PCDHA9: variants seen among roughly 807,000 people sequenced by gnomAD.
PCDHA9 encodes the protein protocadherin alpha 9.
A neutral mutation model predicts 62.0 loss-of-function variants in PCDHA9; 62 were observed. That is an observed-to-expected ratio of 1.00 (90% CI 0.81 to 1.23). The LOEUF is 1.23. Among genes scored for constraint, PCDHA9 ranks in the 50% most tolerant of loss-of-function variants. The pLI, the probability that PCDHA9 is intolerant of heterozygous loss-of-function variation, is 0.00. For synonymous variants in PCDHA9, 557 were observed against 567.6 expected (o/e 0.98, Z 0.27); for missense variants, 1,205 against 1,249.8 (o/e 0.96, Z 0.54).
chr5:141,000,158 A>G (rs1313496168), intron 3 of PCDHA9, among the ~76,000 whole-genome samples: 1 of 151,968 alleles, frequency 6.6e-6, no homozygotes, highest in Non-Finnish European at 1.5e-5. Context: ...AACAAAAACT[A>G]TTTGATTATT....
chr5:140,854,718 A>G (rs1417789198), intron 1 of PCDHA9: 1 of 149,960 alleles, frequency 6.7e-6, no homozygotes, highest in Non-Finnish European at 1.5e-5. Flanking sequence ...AAAGACAGAA[A>G]ACTCAAGTTT....
chr5:140,876,723 C>G, intron 1 of PCDHA9: 2 of 1,614,250 alleles, frequency 1.2e-6, no homozygotes, highest in African/African-American at 2.7e-5. Flanking sequence ...ACCGCGAGAG[C>G]GTGTCGGCCT....
At chr5:140,882,556 T>C (rs367760301) in intron 1 of PCDHA9, 103 of 1,614,070 alleles carry the variant, frequency 6.4e-5, no homozygotes, top group African/African-American at 9.3e-5. Flanking sequence ...AGGAGCTGTG[T>C]GGGCGGAGCG....
At chr5:140,920,505 T>C (rs545028033) in intron 1 of PCDHA9, among the ~76,000 whole-genome samples, 1 of 152,344 alleles carries the variant, frequency 6.6e-6, no homozygotes, top group South Asian at 2.1e-4. Flanking sequence ...TTCTACATAC[T>C]GTTTTATGCA....
intron 1 of PCDHA9, among the ~76,000 whole-genome samples, chr5:140,937,039 CTTT>C (rs34994034): frequency 1.4e-5 from 2 of 140,152 alleles, no homozygotes; most frequent in African/African-American, 5.3e-5. Flanking sequence ...TTCCATTTAT[CTTT>C]TTTTTTTTTT....
chr5:140,971,401 G>A (rs2096476846), intron 1 of PCDHA9, among the ~76,000 whole-genome samples: 1 of 152,164 alleles, frequency 6.6e-6, no homozygotes, highest in Admixed American at 6.5e-5. Context: ...ATTTCTGCCA[G>A]GCACTTTTGG....
At chr5:140,912,654 G>T (rs1411811349) in intron 1 of PCDHA9, among the ~76,000 whole-genome samples, 4 of 152,076 alleles carry the variant, frequency 2.6e-5, no homozygotes, top group Non-Finnish European at 5.9e-5. Flanking sequence ...GAATAGAAGT[G>T]GTGAAAATGG....
chr5:140,970,059 G>C (rs2096380498), intron 1 of PCDHA9, among the ~76,000 whole-genome samples: 1 of 152,150 alleles, frequency 6.6e-6, no homozygotes. Context: ...GTCCAGGGAG[G>C]TATTAGAATG....
chr5:140,852,911 C>G lies in PCDHA9; in HGVS notation c.2394+2022C>G, dbSNP rs2150524968. ...TTTTTTTTTTTGAGTCAGAGTCTCG[C>G]TCTGTTGCCCAGGCTGGAGTGCAGT... On this transcript the variant is annotated intron_variant, in intron 1 of 3. Transcript: ENST00000532602. The G allele has an allele frequency of 3.8e-6, 3 of 791,732 alleles. 1 individual carries two copies. The South Asian group carries it at 1.7e-4, about 44-fold the overall frequency. The allele number at this position is 791,732 out of a possible 1,614,324, so 49.0% of individuals were successfully genotyped here. A position where few individuals can be genotyped will look rare whatever the true frequency, so the allele number is the denominator to read the frequency against.
In PCDHA9 at chr5:141,010,896, A is replaced by G. The variant is rs1433932699; in HGVS notation, c.*959A>G. 6.5e-6 allele frequency: 1 copy of G among 153,790 alleles called. No individual in the cohort carries two copies. The highest frequency in any genetic ancestry group is 1.5e-5 in the Non-Finnish European group (1 of 68,052). The allele number at this position is 153,790 out of a possible 1,614,324, so 9.5% of individuals were successfully genotyped here. A position where few individuals can be genotyped will look rare whatever the true frequency, so the allele number is the denominator to read the frequency against. Reference sequence around the variant, plus strand: ...ATCTTTAAAGAGAAATATGAATACAATTCCCCTAAACTCTCCTCAAAAGAG... The same window carrying G: ...ATCTTTAAAGAGAAATATGAATACAGTTCCCCTAAACTCTCCTCAAAAGAG... On this transcript the variant is annotated 3_prime_UTR_variant, in exon 4 of 4. Coordinates refer to ENST00000532602, the MANE Select transcript of PCDHA9 (RefSeq NM_031857.2).
rs116814228 is a variant in PCDHA9, at chr5:140,916,284, C to T, written c.2395-62665C>T. ...AGAGCATGCTTGTTGCTCTACTCCACGTGGCCAAACTGGTACCAAAGGTGC... is the reference window on the plus strand; with the variant it reads ...AGAGCATGCTTGTTGCTCTACTCCATGTGGCCAAACTGGTACCAAAGGTGC... On this transcript the variant is annotated intron_variant, in intron 1 of 3. Coordinates refer to ENST00000532602, the MANE Select transcript of PCDHA9 (RefSeq NM_031857.2). Among the ~76,000 whole-genome samples the T allele has an allele frequency of 8.7e-3, 1,322 of 152,308 alleles. 14 individuals carry two copies. The highest frequency in any genetic ancestry group is 0.03 in the African/African-American group (1,254 of 41,566).
At chr5:140,962,405 C>A (rs2095680586) in intron 1 of PCDHA9, among the ~76,000 whole-genome samples, 1 of 152,200 alleles carries the variant, frequency 6.6e-6, no homozygotes, top group South Asian at 2.1e-4. Context: ...TGCCCCAAAC[C>A]TGTCTCTCCC....
At chr5:140,904,113 G>C (rs1051705657) in intron 1 of PCDHA9, among the ~76,000 whole-genome samples, 4 of 152,248 alleles carry the variant, frequency 2.6e-5, no homozygotes, top group African/African-American at 9.6e-5. Context: ...TCATTGCTGA[G>C]ATTTTGGTGC....
intron 2 of PCDHA9, 118 bp downstream of exon 2, chr5:140,979,125 C>A (rs782380399): frequency 8.7e-5 from 128 of 1,479,726 alleles, no homozygotes; most frequent in Non-Finnish European, 1.0e-4. Flanking sequence ...GGTACTTTGC[C>A]AGGAAAATGC....
chr5:140,943,804 G>C (rs996208541), intron 1 of PCDHA9, among the ~76,000 whole-genome samples: 2 of 152,224 alleles, frequency 1.3e-5, no homozygotes, highest in Non-Finnish European at 2.9e-5. Flanking sequence ...AGCAAAAGAG[G>C]AAAGTTTGAA....
chr5:140,922,326 G>A (rs2080778185), intron 1 of PCDHA9, among the ~76,000 whole-genome samples: 1 of 152,212 alleles, frequency 6.6e-6, no homozygotes, highest in Admixed American at 6.5e-5. Context: ...ATCTTGGAAA[G>A]GGTTGGTATA....
chr5:140,969,024 C>T, intron 1 of PCDHA9: 1 of 1,614,198 alleles, frequency 6.2e-7, no homozygotes, highest in Non-Finnish European at 8.5e-7. Flanking sequence ...GAAAGGTCCC[C>T]TGCAGAACTG....
chr5:140,872,241 C>T (rs187831325), intron 1 of PCDHA9, among the ~76,000 whole-genome samples: 8 of 151,642 alleles, frequency 5.3e-5, no homozygotes, highest in Admixed American at 5.3e-4. Context: ...TGTCTTTATT[C>T]CTGTGATAAT....
chr5:140,877,306 C>G (rs1554169576), intron 1 of PCDHA9: 1 of 1,613,826 alleles, frequency 6.2e-7, no homozygotes, highest in African/African-American at 1.3e-5. Context: ...CTACGAGTTG[C>G]AACCGGCGGC....
Sources: allele counts gnomAD v4.1 joint callset (sites outside exome capture counted in the v4.1 genomes callset), GRCh38; gene constraint gnomAD v4.1.1; transcripts MANE v1.5; gene names NCBI Gene and HGNC (gene_info 2026-07-23, HGNC 2026-07-21).